Variants in GRM5 observed in about 807,000 individuals in gnomAD.
The protein encoded by GRM5 is glutamate metabotropic receptor 5, also known as metabotropic glutamate receptor 5.
In GRM5, 19 loss-of-function variants were observed where a neutral mutation model predicts 83.1. The observed-to-expected ratio is 0.23, with a 90% confidence interval of 0.16 to 0.34. The LOEUF (loss-of-function observed/expected upper bound fraction) is 0.34, where lower values mean the gene tolerates loss of function less well. Ranked by LOEUF, GRM5 falls within the 10% of genes least tolerant of loss-of-function variation. GRM5 has a pLI of 1.00. For missense variants in GRM5, 1,160 were observed against 1,588.3 expected (o/e 0.73, Z 4.58); for synonymous variants, 675 against 633.6 (o/e 1.07, Z -0.98).
chr11:88,537,927 A>G (rs1555063991), intron 8 of GRM5, among the ~76,000 whole-genome samples: 1 of 152,174 alleles, frequency 6.6e-6, no homozygotes, highest in Non-Finnish European at 1.5e-5. Context: ...CTGTGAAAAT[A>G]ATGGAAAGGT....
intron 4 of GRM5, among the ~76,000 whole-genome samples, chr11:88,625,703 C>A (rs1277017124): frequency 1.3e-5 from 2 of 152,080 alleles, no homozygotes; most frequent in Non-Finnish European, 2.9e-5. Context: ...ATGGGTCTAA[C>A]CATACCCCAA....
At chr11:88,885,916 C>T (rs1324994302) in intron 2 of GRM5, among the ~76,000 whole-genome samples, 7 of 152,102 alleles carry the variant, frequency 4.6e-5, no homozygotes, top group Admixed American at 4.6e-4. Flanking sequence ...CTCCATTCTT[C>T]CCTTCTCTGC....
At chr11:88,942,219 T>G (rs531802006) in intron 2 of GRM5, among the ~76,000 whole-genome samples, 109 of 152,128 alleles carry the variant, frequency 7.2e-4, no homozygotes, top group Middle Eastern at 3.4e-3. Context: ...ATTCTGAAAA[T>G]ATACACATTT....
At chr11:88,821,956 C>T (rs1943805588) in intron 3 of GRM5, among the ~76,000 whole-genome samples, 1 of 152,068 alleles carries the variant, frequency 6.6e-6, no homozygotes. Flanking sequence ...CATGAAGCGG[C>T]TTATGCTTAA....
Position 88,507,064 on chromosome 11 carries a change from A to G in GRM5, c.*1528T>C, listed in dbSNP as rs963171234. On this transcript the variant is annotated 3_prime_UTR_variant, in exon 10 of 10. Transcript: ENST00000305447. Reference sequence around the variant, plus strand: ...CATTTGGTACCTGAGGATAGCTGCAATGGGAGGAAGAAAGAGATGACAGTG... The same window carrying G: ...CATTTGGTACCTGAGGATAGCTGCAGTGGGAGGAAGAAAGAGATGACAGTG... 6.6e-6 allele frequency: 1 copy of G among 152,126 alleles called. No individual in the cohort carries two copies. Among genetic ancestry groups the G allele is most frequent in the South Asian group, 2.1e-4 (1 of 4,828 alleles). The allele number at this position is 152,126 out of a possible 1,614,324, so 9.4% of individuals were successfully genotyped here.
intron 8 of GRM5, among the ~76,000 whole-genome samples, chr11:88,537,234 G>A (rs1428307332): frequency 6.6e-6 from 1 of 151,744 alleles, no homozygotes; most frequent in Non-Finnish European, 1.5e-5. Context: ...TTTTTAAAAG[G>A]TCAAATTTGA....
Position 88,826,798 on chromosome 11 carries a change from G to T in GRM5, c.911+23108C>A, listed in dbSNP as rs888302578. Among the ~76,000 whole-genome samples, 3 of 152,166 alleles carry T rather than the reference G, an allele frequency of 2.0e-5. No homozygotes were observed. The South Asian group carries it at 6.2e-4, about 32-fold the overall frequency. ...CCCTTTATCTACTTAAAAATCACAA[G>T]ACTATGTAGACTTTTAGGAATAAAA... On this transcript the variant is annotated intron_variant, in intron 3 of 9. Coordinates refer to ENST00000305447, the MANE Select transcript of GRM5 (RefSeq NM_001143831.3).
In GRM5 at chr11:88,581,780, C is replaced by T. The variant is rs77397889; in HGVS notation, c.1690+8821G>A. Among the ~76,000 whole-genome samples, 10 of 152,186 alleles carry T rather than the reference C, an allele frequency of 6.6e-5. No individual in the cohort carries two copies. In the East Asian group the frequency reaches 1.2e-3, roughly 18 times the overall value. ...ATAGAGGCTTTGATGAAAAAGCGAC[C>T]GTGAAATGGTGGTGTACTTGCTCTG... On this transcript the variant is annotated intron_variant, in intron 7 of 9. Transcript: ENST00000305447.
chr11:88,979,944 G>C (rs1939472173), intron 2 of GRM5, among the ~76,000 whole-genome samples: 1 of 151,970 alleles, frequency 6.6e-6, no homozygotes, highest in African/African-American at 2.4e-5. Context: ...GGCCTAACCA[G>C]GGCAAAAAGC....
At chr11:88,653,107 G>T in intron 4 of GRM5, 61 bp downstream of exon 4, 1 of 1,017,468 alleles carries the variant, frequency 9.8e-7, no homozygotes, top group South Asian at 1.4e-5. Context: ...CCCATGACAT[G>T]GTTTACTTAA....
chr11:88,729,219 C>G (rs901557441), intron 3 of GRM5, among the ~76,000 whole-genome samples: 9 of 151,966 alleles, frequency 5.9e-5, no homozygotes, highest in Admixed American at 2.0e-4. Context: ...ACAAGCATTC[C>G]TATACACCAT....
intron 4 of GRM5, among the ~76,000 whole-genome samples, chr11:88,622,222 C>T (rs1182646900): frequency 6.6e-6 from 1 of 152,194 alleles, no homozygotes; most frequent in Non-Finnish European, 1.5e-5. Context: ...GCTTTACACA[C>T]TTATGACCTC....
chr11:88,515,623 C>A (rs968797632), intron 9 of GRM5, among the ~76,000 whole-genome samples: 1 of 152,168 alleles, frequency 6.6e-6, no homozygotes, highest in African/African-American at 2.4e-5. Flanking sequence ...TTAAAAAAAT[C>A]TCACTAAACT....
chr11:88,879,833 C>T (rs1484360418), intron 2 of GRM5, among the ~76,000 whole-genome samples: 1 of 152,020 alleles, frequency 6.6e-6, no homozygotes, highest in Non-Finnish European at 1.5e-5. Flanking sequence ...GAGCTGAAAT[C>T]ACAGCTCTTT....
chr11:88,986,391 C>T (rs1241359696), intron 2 of GRM5, among the ~76,000 whole-genome samples: 2 of 152,074 alleles, frequency 1.3e-5, no homozygotes, highest in Admixed American at 1.3e-4. Flanking sequence ...CATGAGGTTT[C>T]CTAGTGGTGA....
intron 3 of GRM5, among the ~76,000 whole-genome samples, chr11:88,730,787 A>G (rs4753698): frequency 0.59 from 89,274 of 151,966 alleles, 28,345 homozygotes; most frequent in South Asian, 0.81. Flanking sequence ...CAAACACCAC[A>G]TGTTCTCACT....
chr11:89,019,463 G>A (rs1483423892), intron 2 of GRM5, among the ~76,000 whole-genome samples: 1 of 151,862 alleles, frequency 6.6e-6, no homozygotes, highest in East Asian at 1.9e-4. Flanking sequence ...GAGAGCCTAA[G>A]GCAGGTGGAT....
chr11:88,848,893 T>C (rs559519934), intron 3 of GRM5, among the ~76,000 whole-genome samples: 4 of 152,296 alleles, frequency 2.6e-5, no homozygotes, highest in South Asian at 4.1e-4. Flanking sequence ...AAGACCTGAA[T>C]AGTATTAAAA....
intron 3 of GRM5, among the ~76,000 whole-genome samples, chr11:88,769,190 C>T (rs1942680575): frequency 1.3e-5 from 2 of 152,096 alleles, no homozygotes; most frequent in Admixed American, 1.3e-4. Context: ...TTTTCCACTT[C>T]TGGAGTGGGA....
Sources: gnomAD v4.1 joint callset for allele counts (sites outside exome capture counted in the v4.1 genomes callset) on GRCh38, gnomAD v4.1.1 for gene constraint, MANE v1.5 for transcripts, NCBI Gene and HGNC (gene_info 2026-07-23, HGNC 2026-07-21) for gene names.